RUFY4: variants seen among roughly 807,000 people sequenced by gnomAD.
RUFY4 encodes the protein RUN and FYVE domain-containing protein 4.
RUFY4 carries 73 observed loss-of-function variants against 69.0 expected under a neutral mutation model. That is an observed-to-expected ratio of 1.06 (90% CI 0.88 to 1.29). The LOEUF is 1.29. Ranked by LOEUF, RUFY4 falls within the 50% of genes most tolerant of loss-of-function variation. The pLI is 0.00. For synonymous variants in RUFY4, 287 were observed against 271.8 expected (o/e 1.06, Z -0.55); for missense variants, 770 against 705.6 (o/e 1.09, Z -1.03).
chr2:218,066,883 A>T (rs1689346097), upstream of RUFY4, among the ~76,000 whole-genome samples: 2 of 152,192 alleles, frequency 1.3e-5, no homozygotes, highest in South Asian at 4.1e-4. Flanking sequence ...GTTCTTTCAC[A>T]AACACCACAC....
chr2:218,043,102 G>A (rs1238237206), intron 2 of RUFY4, among the ~76,000 whole-genome samples: 2 of 132,716 alleles, frequency 1.5e-5, no homozygotes, highest in South Asian at 2.1e-4. Flanking sequence ...AGAACAGCTC[G>A]GAGGAGACCT....
intron 2 of RUFY4, among the ~76,000 whole-genome samples, chr2:218,053,598 C>T (rs1438620651): frequency 1.3e-5 from 2 of 152,158 alleles, no homozygotes; most frequent in East Asian, 3.9e-4. Context: ...CAAGCTCCGC[C>T]TCCCGGATTC....
At chr2:218,042,658 T>G (rs75384853) in intron 2 of RUFY4, among the ~76,000 whole-genome samples, 3,099 of 152,092 alleles carry the variant, frequency 0.02, 126 homozygotes, top group African/African-American at 0.072. Context: ...GCAGCAAGCA[T>G]GAAAGTTGTT....
chr2:218,072,913 G>A (rs1284685565), intron 4 of RUFY4, 28 bp downstream of exon 6: 9 of 1,478,042 alleles, frequency 6.1e-6, no homozygotes, highest in South Asian at 1.3e-5. Flanking sequence ...TCCTCCTGCC[G>A]ATGCCATCTG....
upstream of RUFY4, chr2:218,068,940 A>C (rs1689414244): frequency 6.6e-6 from 1 of 152,348 alleles, no homozygotes; most frequent in Non-Finnish European, 1.5e-5. Context: ...CAGGAATAGC[A>C]GCTGCGGAGC....
upstream of RUFY4, among the ~76,000 whole-genome samples, chr2:218,066,011 G>C (rs1021196122): frequency 1.3e-5 from 2 of 152,084 alleles, no homozygotes; most frequent in East Asian, 3.9e-4. Flanking sequence ...GGGGACAAGG[G>C]GGGTGGGGAA....
chr2:218,069,868 C>T (rs1453663054), upstream of RUFY4, among the ~76,000 whole-genome samples: 1 of 152,140 alleles, frequency 6.6e-6, no homozygotes, highest in African/African-American at 2.4e-5. Context: ...TCTCTGGGCC[C>T]CAGGACCCAT....
At position 218,075,078 on chromosome 2, in the gene RUFY4, G is replaced by C. The variant is rs1043376150; in HGVS notation, c.601-15G>C. On this transcript the variant is annotated splice_polypyrimidine_tract_variant and intron_variant, in intron 6 of 10. Transcript: ENST00000344321. ...GGTGCTGAGAGGGATGACTGGTTTT[G>C]GGTCCTCTCCACAGATCCCAGCCGC... 1 of 1,496,110 alleles carries C rather than the reference G, an allele frequency of 6.7e-7. No homozygotes were observed. The highest frequency in any genetic ancestry group is 1.4e-5 in the African/African-American group (1 of 71,384). 92.7% of individuals were successfully genotyped at this position (1,496,110 alleles called of 1,614,324 possible). A position where few individuals can be genotyped will look rare whatever the true frequency, so the allele number is the denominator to read the frequency against.
intron 5 of RUFY4, 37 bp downstream of exon 7, chr2:218,073,423 C>T (rs559489032): frequency 2.6e-6 from 4 of 1,567,714 alleles, no homozygotes; most frequent in Non-Finnish European, 3.5e-6. Flanking sequence ...TCTCTTTTGA[C>T]ACCTGGTCCC....
chr2:218,084,174 C>T (rs1217255725), intron 9 of RUFY4, among the ~76,000 whole-genome samples: 1 of 152,100 alleles, frequency 6.6e-6, no homozygotes, highest in Non-Finnish European at 1.5e-5. Context: ...GTTCAGGAAA[C>T]AGGAGACCAG....
At chr2:218,060,776 G>A in intron 3 of RUFY4, 7 of 1,570,976 alleles carry the variant, frequency 4.5e-6, no homozygotes, top group Non-Finnish European at 6.1e-6. Flanking sequence ...CAAAGGACTG[G>A]GGCAGGATCC....
intron 9 of RUFY4, among the ~76,000 whole-genome samples, chr2:218,086,167 A>G (rs1305140969): frequency 6.6e-6 from 1 of 152,224 alleles, no homozygotes; most frequent in Non-Finnish European, 1.5e-5. Flanking sequence ...TAGAAGGTAG[A>G]ATAAAAAGCA....
At chr2:218,063,934 T>C (rs1574503433) in intron 3 of RUFY4, among the ~76,000 whole-genome samples, 1 of 152,158 alleles carries the variant, frequency 6.6e-6, no homozygotes, top group African/African-American at 2.4e-5. Context: ...CTGACCCCTC[T>C]TGATACCTGC....
upstream of RUFY4, chr2:218,070,259 T>A: frequency 5.8e-6 from 2 of 342,676 alleles, no homozygotes; most frequent in Non-Finnish European, 1.1e-5. Flanking sequence ...GATAAAAGAC[T>A]TACCCTCTCC....
chr2:218,088,612 G>C (rs1471587132), intron 9 of RUFY4, among the ~76,000 whole-genome samples: 1 of 152,142 alleles, frequency 6.6e-6, no homozygotes, highest in Non-Finnish European at 1.5e-5. Flanking sequence ...AACCCCAGGG[G>C]CCTCTGTGAT....
chr2:218,089,405 T>A (rs1355571544), intron 10 of RUFY4, 43 bp downstream of exon 12: 1 of 1,565,182 alleles, frequency 6.4e-7, no homozygotes, highest in Admixed American at 1.8e-5. Context: ...GACAGCCCAG[T>A]TTCCACCAGC....
At chr2:218,088,268 G>A (rs907516314) in intron 9 of RUFY4, among the ~76,000 whole-genome samples, 1 of 151,938 alleles carries the variant, frequency 6.6e-6, no homozygotes, top group Non-Finnish European at 1.5e-5. Context: ...TTGAGGCAGG[G>A]TTCAAGACCA....
At chr2:218,042,528 A>G (rs1471506447) in intron 2 of RUFY4, among the ~76,000 whole-genome samples, 1 of 152,228 alleles carries the variant, frequency 6.6e-6, no homozygotes, top group Non-Finnish European at 1.5e-5. Flanking sequence ...AGTTTAAAGC[A>G]TCTTCAGAAG....
chr2:218,055,662 G>A (rs1396275834), intron 2 of RUFY4, among the ~76,000 whole-genome samples: 1 of 152,076 alleles, frequency 6.6e-6, no homozygotes, highest in Non-Finnish European at 1.5e-5. Context: ...GAATTACTAA[G>A]CAGGAAATTA....
Sources: allele counts gnomAD v4.1 joint callset (sites outside exome capture counted in the v4.1 genomes callset), GRCh38; gene constraint gnomAD v4.1.1; transcripts MANE v1.5; gene names NCBI Gene and HGNC (gene_info 2026-07-23, HGNC 2026-07-21).